THRB: variants seen among roughly 807,000 people sequenced by gnomAD.
THRB encodes the protein nuclear receptor subfamily 1 group A member 2.
Under a neutral mutation model 47.8 loss-of-function variants are expected in THRB, and 12 were observed. The observed-to-expected ratio is 0.25, with a 90% CI of 0.16 to 0.41. The LOEUF (loss-of-function observed/expected upper bound fraction) is 0.41, where lower values mean the gene tolerates loss of function less well. Among genes scored for constraint, THRB ranks in the 10% least tolerant of loss-of-function variants. The pLI is 1.00. For missense variants in THRB, 348 were observed against 589.2 expected, an observed-to-expected ratio of 0.59 and a Z score of 4.24; for synonymous variants, 218 against 212.2, an observed-to-expected ratio of 1.03 and a Z score of -0.24.
At chr3:24,200,389 T>C (rs2149715864) in intron 4 of THRB, among the ~76,000 whole-genome samples, 1 of 152,276 alleles carries the variant, frequency 6.6e-6, no homozygotes, top group East Asian at 1.9e-4. Flanking sequence ...GTATGATTTG[T>C]GGACAAAAAT....
chr3:24,491,534 TAAC>T (rs1698143250), intron 1 of THRB, among the ~76,000 whole-genome samples: 1 of 152,218 alleles, frequency 6.6e-6, no homozygotes, highest in African/African-American at 2.4e-5. Context: ...ACTTAACTAA[TAAC>T]ATATGATAAC....
intron 5 of THRB, among the ~76,000 whole-genome samples, chr3:24,183,032 T>G (rs954300061): frequency 4.6e-5 from 7 of 152,236 alleles, no homozygotes; most frequent in Admixed American, 2.6e-4. Flanking sequence ...TCCCCTTGAT[T>G]TCTTATTTAA....
intron 3 of THRB, among the ~76,000 whole-genome samples, chr3:24,264,620 T>C (rs1018395328): frequency 4.0e-5 from 6 of 151,714 alleles, no homozygotes; most frequent in Non-Finnish European, 7.4e-5. Flanking sequence ...TGGTTGCTAC[T>C]GACAAAACAT....
chr3:24,474,772 A>G (rs1180286641), intron 1 of THRB, among the ~76,000 whole-genome samples: 1 of 152,200 alleles, frequency 6.6e-6, no homozygotes, highest in Non-Finnish European at 1.5e-5. Flanking sequence ...TGGAACTGGA[A>G]GTACAGGGAA....
At chr3:24,412,052 T>C (rs1433436234) in intron 1 of THRB, among the ~76,000 whole-genome samples, 1 of 151,792 alleles carries the variant, frequency 6.6e-6, no homozygotes, top group African/African-American at 2.4e-5. Context: ...GGGAAAGATA[T>C]AAACATGACA....
At chr3:24,434,836 G>C (rs1054015342) in intron 1 of THRB, among the ~76,000 whole-genome samples, 1 of 152,172 alleles carries the variant, frequency 6.6e-6, no homozygotes, top group African/African-American at 2.4e-5. Flanking sequence ...GTCATGGGGA[G>C]GAAATAGACA....
chr3:24,438,963 TAAGGGAAGC>T (rs2071258972), intron 1 of THRB, among the ~76,000 whole-genome samples: 1 of 151,134 alleles, frequency 6.6e-6, no homozygotes, highest in Non-Finnish European at 1.5e-5. Flanking sequence ...CATGAGGGAG[TAAGGGAAGC>T]AAGGGAGGGC....
At chr3:24,433,404 G>C (rs1056653050) in intron 1 of THRB, among the ~76,000 whole-genome samples, 4 of 152,104 alleles carry the variant, frequency 2.6e-5, no homozygotes, top group African/African-American at 9.7e-5. Context: ...GCATAGATTA[G>C]AGTGACGCAC....
chr3:24,408,420 T>C (rs902370409), intron 1 of THRB, among the ~76,000 whole-genome samples: 2 of 151,870 alleles, frequency 1.3e-5, no homozygotes, highest in Non-Finnish European at 2.9e-5. Flanking sequence ...TCTGCTGTTG[T>C]GATCACACCA....
chr3:24,380,349 T>C (rs1340660525), intron 1 of THRB, among the ~76,000 whole-genome samples: 1 of 151,934 alleles, frequency 6.6e-6, no homozygotes, highest in Non-Finnish European at 1.5e-5. Context: ...ATTTGGTGCC[T>C]CCTTAACCCT....
At chr3:24,294,260 G>C (rs1480445658) in intron 3 of THRB, among the ~76,000 whole-genome samples, 1 of 152,194 alleles carries the variant, frequency 6.6e-6, no homozygotes, top group Non-Finnish European at 1.5e-5. Flanking sequence ...CCAACCCCCA[G>C]GACATCCTGG....
intron 5 of THRB, among the ~76,000 whole-genome samples, chr3:24,152,954 T>G (rs2037207973): frequency 9.4e-6 from 1 of 106,556 alleles, no homozygotes; most frequent in African/African-American, 3.7e-5. Flanking sequence ...AAGAGCGAAA[T>G]TCTGCCAAAA....
At chr3:24,479,288 C>T (rs566591823) in intron 1 of THRB, among the ~76,000 whole-genome samples, 7 of 152,266 alleles carry the variant, frequency 4.6e-5, no homozygotes, top group African/African-American at 1.2e-4. Flanking sequence ...GGGGACAGAG[C>T]GAGACTCCGT....
chr3:24,369,866 C>T (rs1344601406), intron 1 of THRB, among the ~76,000 whole-genome samples: 2 of 152,234 alleles, frequency 1.3e-5, no homozygotes, highest in Non-Finnish European at 2.9e-5. Flanking sequence ...AAAGACACAA[C>T]CTGTACCAAA....
chr3:24,358,605 TC>T (rs2063853399), intron 1 of THRB, among the ~76,000 whole-genome samples: 1 of 152,160 alleles, frequency 6.6e-6, no homozygotes, highest in Non-Finnish European at 1.5e-5. Flanking sequence ...TACTTTCCAG[TC>T]CCTATTATAT....
chr3:24,386,035 A>G (rs2066075722), intron 1 of THRB, among the ~76,000 whole-genome samples: 1 of 152,120 alleles, frequency 6.6e-6, no homozygotes, highest in African/African-American at 2.4e-5. Flanking sequence ...GTCAGCCTAC[A>G]TAGTGTTTCT....
chr3:24,491,875 A>G (rs1698193346), intron 1 of THRB, among the ~76,000 whole-genome samples: 1 of 152,266 alleles, frequency 6.6e-6, no homozygotes, highest in Non-Finnish European at 1.5e-5. Context: ...CATGTCAGAA[A>G]AATTCTGCTG....
chr3:24,288,836 A>G (rs969239479), intron 3 of THRB, among the ~76,000 whole-genome samples: 2 of 152,318 alleles, frequency 1.3e-5, no homozygotes, highest in Admixed American at 6.5e-5. Context: ...CTTAAGAGTT[A>G]GGATTGTTTT....
chr3:24,436,392 A>G (rs999787432), intron 1 of THRB, among the ~76,000 whole-genome samples: 1 of 152,160 alleles, frequency 6.6e-6, no homozygotes, highest in Non-Finnish European at 1.5e-5. Flanking sequence ...AGTAAACAAG[A>G]CACGCCTCGA....
Sources: gnomAD v4.1 joint callset for allele counts (sites outside exome capture counted in the v4.1 genomes callset) on GRCh38, gnomAD v4.1.1 for gene constraint, MANE v1.5 for transcripts, NCBI Gene and HGNC (gene_info 2026-07-23, HGNC 2026-07-21) for gene names.